Variants in KIF3B observed in about 807,000 individuals in gnomAD.
The protein encoded by KIF3B is kinesin family member 3B, also known as kinesin-like protein KIF3B.
KIF3B carries 38 observed loss-of-function variants against 74.3 expected under a neutral mutation model. The observed-to-expected ratio is 0.51, with a 90% CI of 0.39 to 0.67. The LOEUF (loss-of-function observed/expected upper bound fraction) is 0.67. Among genes scored for constraint, KIF3B ranks in the 30% least tolerant of loss-of-function variants. The pLI, the probability that KIF3B is intolerant of heterozygous loss-of-function variation, is 0.00. For synonymous variants in KIF3B, 326 were observed against 342.5 expected, an observed-to-expected ratio of 0.95 and a Z score of 0.53; for missense variants, 649 against 932.0, an observed-to-expected ratio of 0.70 and a Z score of 3.95.
rs1378068044 is a variant in KIF3B, at chr20:32,310,948, G to T, written c.1171G>T (p.Gly391Trp). The change falls in exon 2 of 9, where the codon GGG becomes TGG. Residue 391 changes from glycine (G) to tryptophan (W), a missense_variant. Physicochemically the swap from Gly to Trp is radical, Grantham distance 184. Coordinates refer to ENST00000375712, the MANE Select transcript of KIF3B (RefSeq NM_004798.4). The surrounding 1 kb of genome is among the most constrained non-coding windows in gnomAD (Gnocchi z 6.5). Reference protein sequence around the residue: ...EKRREGGGSGGGGEEEEEEGE... With the variant: ...EKRREGGGSGWGGEEEEEEGE... ...GCGGAGGGAAGGTGGTGGCAGTGGT[G>T]GGGGTGGGGAAGAGGAGGAGGAGGA... The T allele has an allele frequency of 1.2e-6, 2 of 1,613,128 alleles. No homozygotes were observed. The highest frequency in any genetic ancestry group is 1.7e-6 in the Non-Finnish European group (2 of 1,179,252).
intron 1 of KIF3B, among the ~76,000 whole-genome samples, chr20:32,304,309 C>T (rs1428535143): frequency 6.6e-6 from 1 of 152,256 alleles, no homozygotes; most frequent in Non-Finnish European, 1.5e-5. Flanking sequence ...TGGCCCATCA[C>T]TGCTTCACCT....
At chr20:32,299,401 ATATTTTTTTTTTTT>A (rs1425899800) in intron 1 of KIF3B, among the ~76,000 whole-genome samples, 2 of 28,908 alleles carry the variant, frequency 6.9e-5, no homozygotes, top group African/African-American at 2.8e-4. Flanking sequence ...ATATATATAT[ATATTTTTTTTTTTT>A]TTTTTTTTTT....
intron 1 of KIF3B, among the ~76,000 whole-genome samples, chr20:32,309,393 C>G (rs2047788486): frequency 6.6e-6 from 1 of 151,762 alleles, no homozygotes; most frequent in Non-Finnish European, 1.5e-5. Context: ...TCTCAAACTC[C>G]TGGTCTCAAG....
intron 1 of KIF3B, among the ~76,000 whole-genome samples, chr20:32,290,238 C>T (rs1159069187): frequency 1.3e-5 from 2 of 151,972 alleles, no homozygotes; most frequent in Non-Finnish European, 1.5e-5. Context: ...CAAAAGTTAG[C>T]CGTGCGTGGT....
chr20:32,294,620 C>A (rs1306170443), intron 1 of KIF3B, among the ~76,000 whole-genome samples: 2 of 152,092 alleles, frequency 1.3e-5, no homozygotes, highest in African/African-American at 2.4e-5. Flanking sequence ...TTTATTTAAT[C>A]CTCAGAACAG....
chr20:32,291,300 A>G (rs769617075), intron 1 of KIF3B, among the ~76,000 whole-genome samples: 2 of 152,096 alleles, frequency 1.3e-5, no homozygotes, highest in African/African-American at 4.8e-5. Context: ...ATGATAAGCC[A>G]TTGGTTAGAG....
At position 32,277,703 on chromosome 20, in the gene KIF3B, GC is replaced by G; in HGVS notation, c.-123del. 3.8e-6 allele frequency: 1 copy of G among 263,596 alleles called. No individual in the cohort carries two copies. Among genetic ancestry groups the G allele is most frequent in the Non-Finnish European group, 6.9e-6 (1 of 145,376 alleles). The allele number at this position is 263,596 out of a possible 1,614,324, so 16.3% of individuals were successfully genotyped here. A position where few individuals can be genotyped will look rare whatever the true frequency, so the allele number is the denominator to read the frequency against. On this transcript the variant is annotated 5_prime_UTR_variant, in exon 1 of 9. It removes the in-frame stop codon of an upstream open reading frame in the 5' UTR. Transcript: ENST00000375712. ...GGAATGGCTGAGCCAGGGGTTCGCCGCCCCCGCCGCCGCCGCCGCCGCCGCC... is the reference window on the plus strand; with the variant it reads ...GGAATGGCTGAGCCAGGGGTTCGCCGCCCCGCCGCCGCCGCCGCCGCCGCC...
intron 5 of KIF3B, among the ~76,000 whole-genome samples, chr20:32,323,114 A>ATATATT (rs1569208650): frequency 1.7e-5 from 2 of 118,310 alleles, no homozygotes; most frequent in African/African-American, 6.4e-5. Flanking sequence ...ATATATATTT[A>ATATATT]TATATTTATA....
intron 5 of KIF3B, among the ~76,000 whole-genome samples, chr20:32,317,216 G>A (rs1263594069): frequency 1.3e-5 from 2 of 152,070 alleles, no homozygotes; most frequent in Non-Finnish European, 2.9e-5. Context: ...CAGCCTGGGC[G>A]ACGGAGTGAG....
intron 5 of KIF3B, among the ~76,000 whole-genome samples, chr20:32,318,675 A>T (rs1226913286): frequency 6.6e-6 from 1 of 152,198 alleles, no homozygotes; most frequent in Admixed American, 6.5e-5. Context: ...CTTTATTATG[A>T]CTGAATAATA....
intron 2 of KIF3B, 131 bp downstream of exon 2, chr20:32,311,312 T>C: frequency 1.1e-6 from 1 of 902,882 alleles, no homozygotes; most frequent in Non-Finnish European, 1.6e-6. Flanking sequence ...CAGCTCATGA[T>C]ATCCAGTACT....
At chr20:32,319,267 C>CTTTAAATATGTGA (rs2047844745) in intron 5 of KIF3B, among the ~76,000 whole-genome samples, 3 of 151,152 alleles carry the variant, frequency 2.0e-5, no homozygotes, top group Non-Finnish European at 4.4e-5. Flanking sequence ...GGCCTCTCCA[C>CTTTAAATATGTGA]ATCCTTGTCG....
chr20:32,314,926 T>G (rs765369623), intron 2 of KIF3B, among the ~76,000 whole-genome samples: 3 of 152,094 alleles, frequency 2.0e-5, no homozygotes, highest in Non-Finnish European at 4.4e-5. Context: ...GCTCTTGCCT[T>G]CCTTATCTCA....
Position 32,310,461 on chromosome 20 carries a change from G to A in KIF3B, c.684G>A (p.Val228=), listed in dbSNP as rs781040842. ...TTATCACTATTGAGTGCAGCGAGGT[G>A]GGCCTCGATGGTGAAAACCACATCC... The part of the protein sequence containing the change: ...IFVITIECSE[V]GLDGENHIRV... The change falls in exon 2 of 9, where the codon GTG becomes GTA. Residue 228 remains valine (V), a synonymous_variant. Coordinates refer to ENST00000375712, the MANE Select transcript of KIF3B (RefSeq NM_004798.4). This position sits in a 1 kb window ranked among gnomAD's most constrained non-coding sequence, Gnocchi z 6.5. 1.9e-6 allele frequency: 3 copies of A among 1,613,992 alleles called. No homozygotes were observed. The highest frequency in any genetic ancestry group is 3.3e-5 in the Admixed American group (2 of 60,020).
At chr20:32,298,282 C>T (rs1437822694) in intron 1 of KIF3B, among the ~76,000 whole-genome samples, 1 of 151,432 alleles carries the variant, frequency 6.6e-6, no homozygotes, top group East Asian at 1.9e-4. Flanking sequence ...CAAACAGATA[C>T]AACAATTAAT....
chr20:32,317,534 T>G (rs1442839039), intron 5 of KIF3B, among the ~76,000 whole-genome samples: 1 of 152,148 alleles, frequency 6.6e-6, no homozygotes, highest in African/African-American at 2.4e-5. Context: ...ATTCAAGGAT[T>G]AACAAGCTTT....
chr20:32,319,704 G>C (rs2047849285), intron 5 of KIF3B, among the ~76,000 whole-genome samples: 1 of 147,850 alleles, frequency 6.8e-6, no homozygotes, highest in African/African-American at 2.5e-5. Context: ...TCATGCCTCA[G>C]CCTCCCGAAT....
At chr20:32,307,365 T>C (rs2047776713) in intron 1 of KIF3B, among the ~76,000 whole-genome samples, 1 of 152,218 alleles carries the variant, frequency 6.6e-6, no homozygotes. Flanking sequence ...TACATTTAGA[T>C]TACCACCTTC....
chr20:32,334,839 A>G lies in KIF3B; in HGVS notation c.*3520A>G, dbSNP rs2047947859. ...TCATGGCTCCTTGAAGTTATTACTGATCTTGACCTTCTCTTTGGCTACCTT... is the reference window on the plus strand; with the variant it reads ...TCATGGCTCCTTGAAGTTATTACTGGTCTTGACCTTCTCTTTGGCTACCTT... On this transcript the variant is annotated 3_prime_UTR_variant, in exon 9 of 9. Transcript: ENST00000375712. 6.6e-6 allele frequency: 1 copy of G among 152,422 alleles called. No individual in the cohort carries two copies. The highest frequency in any genetic ancestry group is 2.4e-5 in the African/African-American group (1 of 41,416). The allele number at this position is 152,422 out of a possible 1,614,324, so 9.4% of individuals were successfully genotyped here. A position where few individuals can be genotyped will look rare whatever the true frequency, so the allele number is the denominator to read the frequency against.
Sources: allele counts gnomAD v4.1 joint callset (sites outside exome capture counted in the v4.1 genomes callset), GRCh38; gene constraint gnomAD v4.1.1; non-coding constraint Gnocchi (gnomAD v3.1); transcripts MANE v1.5; gene names NCBI Gene and HGNC (gene_info 2026-07-23, HGNC 2026-07-21).